Variants in KCNQ1 observed in about 807,000 individuals in gnomAD.
KCNQ1 encodes potassium voltage-gated channel subfamily KQT member 1.
KCNQ1 carries 49 observed loss-of-function variants against 72.4 expected under a neutral mutation model. That is an observed-to-expected ratio of 0.68 (90% CI 0.54 to 0.86). KCNQ1 has a LOEUF of 0.86. Ranked by LOEUF, KCNQ1 falls within the 40% of genes least tolerant of loss-of-function variation. The probability of loss-of-function intolerance (pLI) is 0.00; values close to 1 mark genes in which losing one functional copy is unlikely to be tolerated. For synonymous variants in KCNQ1, 450 were observed against 412.6 expected, an observed-to-expected ratio of 1.09 and a Z score of -1.10; for missense variants, 790 against 945.1, an observed-to-expected ratio of 0.84 and a Z score of 2.15.
intron 10 of KCNQ1, chr11:2,633,078 TTA>T (rs1164797109): frequency 5.0e-6 from 2 of 398,394 alleles, no homozygotes; most frequent in Non-Finnish European, 8.8e-6. Flanking sequence ...CCAGCATTTG[TTA>T]TGTTTTGTCT....
At position 2,671,790 on chromosome 11, in the gene KCNQ1, G is replaced by A. The variant is rs2133869163; in HGVS notation, c.1514+9709G>A. On this transcript the variant is annotated intron_variant, in intron 11 of 15. Transcript: ENST00000155840. The surrounding 1 kb of genome is among the most constrained non-coding windows in gnomAD (Gnocchi z 4.7). ...GCACATAATCATTCTGACCCAGTCAGGGTTCTTCCCCCAAATAAATCCCTG... is the reference window on the plus strand; with the variant it reads ...GCACATAATCATTCTGACCCAGTCAAGGTTCTTCCCCCAAATAAATCCCTG... The A allele has an allele frequency of 2.5e-6, 1 of 398,708 alleles. No individual in the cohort carries two copies. Among genetic ancestry groups the A allele is most frequent in the Non-Finnish European group, 4.4e-6 (1 of 226,130 alleles). 24.7% of individuals were successfully genotyped at this position (398,708 alleles called of 1,614,324 possible). A position where few individuals can be genotyped will look rare whatever the true frequency, so the allele number is the denominator to read the frequency against.
At chr11:2,825,208 C>T (rs60513508) in intron 15 of KCNQ1, among the ~76,000 whole-genome samples, 8,523 of 152,298 alleles carry the variant, frequency 0.056, 747 homozygotes, top group African/African-American at 0.19. Context: ...CTTCCCCGAC[C>T]CTGCTGTCGG....
rs1849645122 is a variant in KCNQ1 at position 2,645,016 on chromosome 11, C to A, written c.1394-16945C>A. On this transcript the variant is annotated intron_variant, in intron 10 of 15. Transcript: ENST00000155840. The surrounding 1 kb of genome is among the most constrained non-coding windows in gnomAD (Gnocchi z 5.8). ...ACCAGTGTTAGCAAGTCCAGGGAAA[C>A]CAATTTTGGGCCTCCAGGCAACTTG... 2 of 398,578 alleles carry A rather than the reference C, an allele frequency of 5.0e-6. No individual in the cohort carries two copies. Among genetic ancestry groups the A allele is most frequent in the South Asian group, 1.3e-4 (1 of 7,852 alleles). 24.7% of individuals were successfully genotyped at this position (398,578 alleles called of 1,614,324 possible).
At chr11:2,819,719 T>C (rs1423684839) in intron 15 of KCNQ1, among the ~76,000 whole-genome samples, 1 of 152,218 alleles carries the variant, frequency 6.6e-6, no homozygotes, top group African/African-American at 2.4e-5. Context: ...TCTGCTTTTT[T>C]AGGTAATTAT....
chr11:2,790,071 C>T (rs931819202), intron 15 of KCNQ1, among the ~76,000 whole-genome samples: 8 of 152,174 alleles, frequency 5.3e-5, no homozygotes, highest in African/African-American at 1.9e-4. Context: ...CTTTGACCAC[C>T]AGGTCATGAC....
intron 6 of KCNQ1, 41 bp from the exon 7 acceptor site, chr11:2,583,394 C>T: frequency 7.0e-7 from 1 of 1,435,354 alleles, no homozygotes; most frequent in Non-Finnish European, 9.8e-7. Flanking sequence ...TCCCGAGGCT[C>T]CAGTCCCATC....
chr11:2,480,636 C>A (rs993030486), intron 1 of KCNQ1, among the ~76,000 whole-genome samples: 59 of 152,320 alleles, frequency 3.9e-4, no homozygotes, highest in Non-Finnish European at 7.6e-4. Flanking sequence ...CACAGCCAAA[C>A]CATATCAGAG....
intron 10 of KCNQ1, among the ~76,000 whole-genome samples, chr11:2,594,381 A>G (rs1025960422): frequency 6.6e-6 from 1 of 152,186 alleles, no homozygotes; most frequent in Non-Finnish European, 1.5e-5. Flanking sequence ...GTTTCAATGT[A>G]CTGTACCAAG....
At chr11:2,640,609 T>G in intron 10 of KCNQ1, 1 of 397,802 alleles carries the variant, frequency 2.5e-6, no homozygotes, top group East Asian at 3.6e-5. Context: ...GGGGTACATG[T>G]GCTATTGTTA....
intron 15 of KCNQ1, among the ~76,000 whole-genome samples, chr11:2,795,933 C>T (rs1847119768): frequency 6.6e-6 from 1 of 152,144 alleles, no homozygotes; most frequent in Non-Finnish European, 1.5e-5. Flanking sequence ...GAGATGGAGG[C>T]CCCTCCCCAG....
At position 2,647,596 on chromosome 11, in the gene KCNQ1, G is replaced by T; in HGVS notation, c.1394-14365G>T. 2.5e-6 allele frequency: 1 copy of T among 398,508 alleles called. No homozygotes were observed. The allele number at this position is 398,508 out of a possible 1,614,324, so 24.7% of individuals were successfully genotyped here. A position where few individuals can be genotyped will look rare whatever the true frequency, so the allele number is the denominator to read the frequency against. On this transcript the variant is annotated intron_variant, in intron 10 of 15. Coordinates refer to ENST00000155840, the MANE Select transcript of KCNQ1 (RefSeq NM_000218.3). The surrounding 1 kb of genome is among the most constrained non-coding windows in gnomAD (Gnocchi z 4.0). ...ATTCATGTTAGTTCTTTAAAGGTTT[G>T]GTAGAATTCAGTAGAAAACCCGTGC... is the stretch of plus-strand genomic sequence containing the variant.
rs994603697 is a variant in KCNQ1 at position 2,767,968 on chromosome 11, A to G, written c.1515-876A>G. On this transcript the variant is annotated intron_variant, in intron 11 of 15. Transcript: ENST00000155840. The surrounding 1 kb of genome is among the most constrained non-coding windows in gnomAD (Gnocchi z 4.6). ...CCCTGTTGGGTGTCAGTGCTCCCCA[A>G]ACTGACAAGTGCCCTGAGGAGGAAA... Among the ~76,000 whole-genome samples the G allele has an allele frequency of 1.3e-5, 2 of 152,126 alleles. No individual in the cohort carries two copies. Among genetic ancestry groups the G allele is most frequent in the Non-Finnish European group, 2.9e-5 (2 of 68,032 alleles).
At chr11:2,641,284 T>G (rs1849572689) in intron 10 of KCNQ1, 1 of 398,342 alleles carries the variant, frequency 2.5e-6, no homozygotes, top group Admixed American at 4.4e-5. Context: ...CAACAGTGTA[T>G]AAGAGTTCCC....
chr11:2,531,945 T>C (rs1847641004), intron 2 of KCNQ1, among the ~76,000 whole-genome samples: 1 of 152,172 alleles, frequency 6.6e-6, no homozygotes, highest in Admixed American at 6.5e-5. Context: ...TTCAGGCCCA[T>C]CACCTGTAAC....
rs995029953 is a variant in KCNQ1 at position 2,687,387 on chromosome 11, G to A, written c.1514+25306G>A. The A allele has an allele frequency of 2.5e-6, 1 of 398,672 alleles. No homozygotes were observed. Among genetic ancestry groups the A allele is most frequent in the Non-Finnish European group, 4.4e-6 (1 of 226,098 alleles). 24.7% of individuals were successfully genotyped at this position (398,672 alleles called of 1,614,324 possible). A position where few individuals can be genotyped will look rare whatever the true frequency, so the allele number is the denominator to read the frequency against. On this transcript the variant is annotated intron_variant, in intron 11 of 15. Transcript: ENST00000155840. The surrounding 1 kb of genome is among the most constrained non-coding windows in gnomAD (Gnocchi z 5.0). ...GGGCTGTCACTCAGGGCTGAGCTCT[G>A]CTGAAGGATCTGGGAGGTCAGTAGG...
At chr11:2,702,753 G>A (rs1850838353) in intron 11 of KCNQ1, among the ~76,000 whole-genome samples, 1 of 152,186 alleles carries the variant, frequency 6.6e-6, no homozygotes, top group Non-Finnish European at 1.5e-5. Flanking sequence ...GCTTGTGTGA[G>A]GTCTCCTTGA....
chr11:2,573,742 A>G (rs992412549), intron 6 of KCNQ1, among the ~76,000 whole-genome samples: 14 of 152,224 alleles, frequency 9.2e-5, no homozygotes, highest in African/African-American at 3.4e-4. Flanking sequence ...CCCAAAGCTC[A>G]GAGAGGCTGT....
Position 2,801,718 on chromosome 11 carries a change from G to A in KCNQ1, c.1794+23681G>A, listed in dbSNP as rs1169657233. 3.9e-5 allele frequency among the ~76,000 whole-genome samples: 6 copies of A among 152,220 alleles called. No individual in the cohort carries two copies. The East Asian group carries it at 5.8e-4, about 15-fold the overall frequency. On this transcript the variant is annotated intron_variant, in intron 15 of 15. Transcript: ENST00000155840. The stretch of plus-strand genomic sequence containing the variant: ...CAGTTCATAACACAAGTCCTCCGTC[G>A]GGCCACTGGAGCCTGGGGAGATGCC...
At chr11:2,689,211 TG>T in intron 11 of KCNQ1, 3 of 398,806 alleles carry the variant, frequency 7.5e-6, no homozygotes, top group Non-Finnish European at 1.3e-5. Context: ...TTGCTGACTT[TG>T]ATGCAGTGGT....
Sources: gnomAD v4.1 joint callset for allele counts (sites outside exome capture counted in the v4.1 genomes callset) on GRCh38, gnomAD v4.1.1 for gene constraint, Gnocchi (gnomAD v3.1) non-coding constraint, MANE v1.5 for transcripts, NCBI Gene and HGNC (gene_info 2026-07-23, HGNC 2026-07-21) for gene names.